TENM3: variants seen among roughly 807,000 people sequenced by gnomAD.
TENM3 encodes teneurin-3.
A neutral mutation model predicts 255.1 loss-of-function variants in TENM3; 63 were observed. The ratio of observed to expected loss-of-function variants is 0.25; its 90% CI spans 0.20 to 0.30. TENM3 has a LOEUF of 0.30. TENM3 is among the 10% of genes least tolerant of loss of function. The probability of loss-of-function intolerance (pLI) is 1.00; values close to 1 mark genes in which losing one functional copy is unlikely to be tolerated. For synonymous variants in TENM3, 1,306 were observed against 1,322.3 expected (o/e 0.99, Z 0.27); for missense variants, 2,929 against 3,461.1 (o/e 0.85, Z 3.86).
chr4:182,730,155 C>T, intron 14 of TENM3, 45 bp from the exon 15 acceptor site: 2 of 1,610,704 alleles, frequency 1.2e-6, no homozygotes, highest in Non-Finnish European at 1.7e-6. Context: ...TAATGTTGGC[C>T]TGAAAAGACA....
At chr4:182,374,691 A>G (rs1276798452) in intron 3 of TENM3, among the ~76,000 whole-genome samples, 1 of 152,138 alleles carries the variant, frequency 6.6e-6, no homozygotes, top group Non-Finnish European at 1.5e-5. Flanking sequence ...TCCTGAGTAT[A>G]TAGGAGGTGT....
chr4:182,043,331 A>G, the TENM3 span, among the ~76,000 whole-genome samples: 1 of 152,220 alleles, frequency 6.6e-6, no homozygotes, highest in East Asian at 1.9e-4. Context: ...CAGTTAATGC[A>G]AAGCAGATTT....
intron 5 of TENM3, among the ~76,000 whole-genome samples, chr4:182,643,505 C>CT (rs1357094611): frequency 1.3e-5 from 2 of 152,024 alleles, no homozygotes; most frequent in Non-Finnish European, 2.9e-5. Context: ...TGGAAGAGAC[C>CT]TTAGAGGTCA....
the TENM3 span, among the ~76,000 whole-genome samples, chr4:182,085,359 T>C: frequency 6.6e-6 from 1 of 152,220 alleles, no homozygotes; most frequent in East Asian, 1.9e-4. Context: ...CCTGAACCAG[T>C]CCACAAAAGC....
At chr4:181,642,893 T>G in the TENM3 span, among the ~76,000 whole-genome samples, 1 of 151,990 alleles carries the variant, frequency 6.6e-6, no homozygotes, top group Non-Finnish European at 1.5e-5. Context: ...TACCATGCTG[T>G]TTTGGTTACT....
the TENM3 span, among the ~76,000 whole-genome samples, chr4:181,884,431 A>G: frequency 1.3e-5 from 2 of 152,122 alleles, no homozygotes; most frequent in Non-Finnish European, 1.5e-5. Context: ...TCCCAGATGG[A>G]AACTGTACCC....
At chr4:182,403,303 A>G (rs1306992240) in intron 3 of TENM3, among the ~76,000 whole-genome samples, 1 of 152,252 alleles carries the variant, frequency 6.6e-6, no homozygotes, top group Non-Finnish European at 1.5e-5. Flanking sequence ...ATTCTGAAAT[A>G]TAATGATGGT....
At chr4:182,192,119 T>G (rs1037493273) in intron 1 of TENM3, among the ~76,000 whole-genome samples, 3 of 152,164 alleles carry the variant, frequency 2.0e-5, no homozygotes, top group Non-Finnish European at 4.4e-5. Context: ...GAAATTCAAA[T>G]TGGCATCCAC....
At chr4:182,063,108 G>A in the TENM3 span, among the ~76,000 whole-genome samples, 1 of 152,208 alleles carries the variant, frequency 6.6e-6, no homozygotes, top group African/African-American at 2.4e-5. Context: ...ACTCAGCTAA[G>A]AATGTGCTGA....
the TENM3 span, among the ~76,000 whole-genome samples, chr4:181,705,745 T>C: frequency 6.6e-6 from 1 of 152,282 alleles, no homozygotes; most frequent in Non-Finnish European, 1.5e-5. Flanking sequence ...ACCCCAGAAC[T>C]TAAAATAAAA....
the TENM3 span, among the ~76,000 whole-genome samples, chr4:182,118,447 T>A: frequency 3.3e-5 from 5 of 151,996 alleles, no homozygotes; most frequent in Non-Finnish European, 5.9e-5. Context: ...AAATTTTATT[T>A]TTTATTTATT....
chr4:182,441,123 G>A (rs969145114), intron 3 of TENM3, among the ~76,000 whole-genome samples: 4 of 152,068 alleles, frequency 2.6e-5, no homozygotes, highest in Non-Finnish European at 4.4e-5. Flanking sequence ...ATCTGAGAGC[G>A]ATCTGGGAGG....
At chr4:182,263,821 CG>C (rs746458406) in intron 1 of TENM3, among the ~76,000 whole-genome samples, 29 of 152,168 alleles carry the variant, frequency 1.9e-4, no homozygotes, top group Non-Finnish European at 4.0e-4. Flanking sequence ...TTAAAGATGA[CG>C]GGGCTCACCC....
intron 4 of TENM3, among the ~76,000 whole-genome samples, chr4:182,602,579 C>T (rs1026924921): frequency 6.6e-6 from 1 of 152,106 alleles, no homozygotes; most frequent in African/African-American, 2.4e-5. Flanking sequence ...TCTTTTTATC[C>T]ATATCAGCCA....
intron 1 of TENM3, among the ~76,000 whole-genome samples, chr4:182,320,104 C>A (rs951421514): frequency 1.9e-4 from 12 of 62,200 alleles, no homozygotes; most frequent in Non-Finnish European, 2.5e-4. Flanking sequence ...AAGAGTGAAA[C>A]TCCGTCTAAA....
At chr4:182,480,669 T>TA (rs1262271851) in intron 3 of TENM3, among the ~76,000 whole-genome samples, 7 of 152,128 alleles carry the variant, frequency 4.6e-5, no homozygotes, top group African/African-American at 1.7e-4. Flanking sequence ...CAGTACTATT[T>TA]AATGAACAAT....
chr4:182,682,071 A>G (rs528489413), intron 11 of TENM3, 57 bp downstream of exon 11: 1 of 1,441,228 alleles, frequency 6.9e-7, no homozygotes, highest in Non-Finnish European at 9.7e-7. Flanking sequence ...GCTAAAGATG[A>G]TATTTTAATC....
chr4:181,468,882 T>C, the TENM3 span, among the ~76,000 whole-genome samples: 1 of 152,252 alleles, frequency 6.6e-6, no homozygotes, highest in Non-Finnish European at 1.5e-5. Context: ...GTCGTTACAT[T>C]TTACTAACCT....
chr4:182,380,633 C>A (rs548726284), intron 3 of TENM3, among the ~76,000 whole-genome samples: 1 of 152,278 alleles, frequency 6.6e-6, no homozygotes, highest in East Asian at 1.9e-4. Flanking sequence ...CCCTGCCAAG[C>A]ACCTTGAACT....
Sources: allele counts gnomAD v4.1 joint callset (sites outside exome capture counted in the v4.1 genomes callset), GRCh38; gene constraint gnomAD v4.1.1; transcripts MANE v1.5; gene names NCBI Gene and HGNC (gene_info 2026-07-23, HGNC 2026-07-21).